The following CD46 variants were observed in gnomAD, a reference collection of about 807,000 sequenced individuals.
CD46 encodes the protein CD46 molecule.
In CD46, 30 loss-of-function variants were observed where a neutral mutation model predicts 53.3. The ratio of observed to expected loss-of-function variants is 0.56; its 90% confidence interval spans 0.42 to 0.76. The LOEUF (loss-of-function observed/expected upper bound fraction) is 0.76. Among genes scored for constraint, CD46 ranks in the 30% least tolerant of loss-of-function variants. CD46 has a pLI of 0.00. For synonymous variants in CD46, 142 were observed against 152.0 expected (o/e 0.93, Z 0.48); for missense variants, 409 against 463.0 (o/e 0.88, Z 1.07).
At chr1:207,767,433 C>T (rs1351388740) in intron 6 of CD46, 9 of 715,042 alleles carry the variant, frequency 1.3e-5, no homozygotes, top group Non-Finnish European at 1.9e-5. Context: ...ATGTACATTG[C>T]ATGGGTATAT....
At chr1:207,769,353 T>G (rs557075019) in intron 7 of CD46, 1 of 151,956 alleles carries the variant, frequency 6.6e-6, no homozygotes, top group East Asian at 1.9e-4. Context: ...AAGAGATGAG[T>G]TTTTTAGTGG....
intron 8 of CD46, among the ~76,000 whole-genome samples, chr1:207,773,133 G>A (rs926751805): frequency 1.3e-5 from 2 of 152,172 alleles, no homozygotes; most frequent in African/African-American, 4.8e-5. Flanking sequence ...TTGGGAGGGT[G>A]TATGTGTCCA....
chr1:207,760,294 T>C (rs187066452), intron 4 of CD46: 1 of 152,920 alleles, frequency 6.5e-6, no homozygotes, highest in Non-Finnish European at 1.5e-5. Flanking sequence ...ATTGTTCACA[T>C]TTTTTGCATA....
intron 8 of CD46, among the ~76,000 whole-genome samples, chr1:207,771,537 A>G (rs1053449035): frequency 2.6e-5 from 4 of 152,122 alleles, no homozygotes; most frequent in Admixed American, 2.0e-4. Flanking sequence ...TAGGTCTTAC[A>G]TTTAAGTCTT....
At chr1:207,765,899 C>T (rs558205839) in intron 5 of CD46, among the ~76,000 whole-genome samples, 1 of 152,290 alleles carries the variant, frequency 6.6e-6, no homozygotes, top group South Asian at 2.1e-4. Flanking sequence ...TGCAAATCGC[C>T]ACATGTTCTT....
chr1:207,767,643 GTCATTCAGGTTTA>G, intron 6 of CD46, 123 bp from the exon 7 acceptor site: 1 of 1,612,956 alleles, frequency 6.2e-7, no homozygotes, highest in Non-Finnish European at 8.5e-7. Flanking sequence ...CCAGCTTTGA[GTCATTCAGGTTTA>G]GTAGCTTCTT....
intron 6 of CD46, 92 bp downstream of exon 6, chr1:207,767,287 C>T: frequency 8.9e-7 from 1 of 1,118,482 alleles, no homozygotes; most frequent in Non-Finnish European, 1.4e-6. Context: ...ATCAGTCATA[C>T]AAAATAACTG....
chr1:207,763,449 G>C (rs1406700600), intron 5 of CD46, among the ~76,000 whole-genome samples: 3 of 152,156 alleles, frequency 2.0e-5, no homozygotes, highest in Non-Finnish European at 4.4e-5. Flanking sequence ...GTGGGAGCTA[G>C]GGCTCTCCTC....
chr1:207,771,576 A>G (rs1657509944), intron 8 of CD46, among the ~76,000 whole-genome samples: 1 of 152,142 alleles, frequency 6.6e-6, no homozygotes, highest in Non-Finnish European at 1.5e-5. Flanking sequence ...TTTTTGTATA[A>G]GGTGTGAGGA....
rs1655037324 is a variant in CD46 at position 207,752,534 on chromosome 1, A to G, written c.97+225A>G. ...GGCGTCGTGTGCGCGGCCAGCATTT[A>G]CGCAGGATCTGGCTGCGTCCCTAAA... On this transcript the variant is annotated intron_variant, in intron 1 of 12. Transcript: ENST00000367042. The surrounding 1 kb of genome is among the most constrained non-coding windows in gnomAD (Gnocchi z 4.1). Among the ~76,000 whole-genome samples the G allele has an allele frequency of 6.6e-6, 1 of 152,030 alleles. No homozygotes were observed. Among genetic ancestry groups the G allele is most frequent in the South Asian group, 2.1e-4 (1 of 4,824 alleles).
chr1:207,758,953 C>CTT (rs1571585990), intron 3 of CD46, among the ~76,000 whole-genome samples: 1 of 146,392 alleles, frequency 6.8e-6, no homozygotes, highest in African/African-American at 2.8e-5. Context: ...GATAATTACT[C>CTT]TAAGAGTCCA....
chr1:207,775,744 A>G (rs1658028183), intron 8 of CD46, among the ~76,000 whole-genome samples: 3 of 152,196 alleles, frequency 2.0e-5, no homozygotes, highest in South Asian at 4.1e-4. Flanking sequence ...GCTTCGTCCC[A>G]GGTGGGGCAC....
intron 8 of CD46, among the ~76,000 whole-genome samples, chr1:207,778,586 A>C (rs1041766517): frequency 2.0e-5 from 3 of 152,208 alleles, no homozygotes; most frequent in Non-Finnish European, 4.4e-5. Context: ...GTGGAAGATC[A>C]GATGGTCATA....
At chr1:207,754,613 A>G (rs1281530350) in intron 1 of CD46, among the ~76,000 whole-genome samples, 1 of 152,200 alleles carries the variant, frequency 6.6e-6, no homozygotes, top group East Asian at 1.9e-4. Context: ...AGCCTAGGAA[A>G]AAGTTCCTCC....
intron 8 of CD46, among the ~76,000 whole-genome samples, chr1:207,770,725 C>G (rs1233188874): frequency 6.6e-6 from 1 of 152,182 alleles, no homozygotes; most frequent in African/African-American, 2.4e-5. Context: ...CTGCAAAGGA[C>G]ATGAACTCAT....
chr1:207,791,805 T>C (rs940089985), intron 12 of CD46, among the ~76,000 whole-genome samples: 4 of 152,220 alleles, frequency 2.6e-5, no homozygotes, highest in African/African-American at 9.6e-5. Flanking sequence ...CATTTGAAGA[T>C]AATTTAATGA....
intron 5 of CD46, among the ~76,000 whole-genome samples, chr1:207,761,797 T>C (rs1391153001): frequency 1.3e-5 from 2 of 151,818 alleles, no homozygotes; most frequent in Non-Finnish European, 2.9e-5. Flanking sequence ...GCTATGGTAG[T>C]GGTAAACTGT....
intron 9 of CD46, chr1:207,783,661 T>TA (rs200552613): frequency 7.5e-4 from 131 of 175,564 alleles, no homozygotes; most frequent in Middle Eastern, 5.2e-3. Context: ...CAATGCATGT[T>TA]AAAAAAAAAG....
chr1:207,785,790 TTA>T, intron 11 of CD46, 108 bp downstream of exon 11: 11 of 548,040 alleles, frequency 2.0e-5, no homozygotes, highest in South Asian at 1.8e-5. Context: ...TTTTTTTTTT[TTA>T]AAAAAATGCC....
Sources: allele counts gnomAD v4.1 joint callset (sites outside exome capture counted in the v4.1 genomes callset), GRCh38; gene constraint gnomAD v4.1.1; non-coding constraint Gnocchi (gnomAD v3.1); transcripts MANE v1.5; gene names NCBI Gene and HGNC (gene_info 2026-07-23, HGNC 2026-07-21).